The following SRGAP1 variants were observed in gnomAD, a reference collection of about 807,000 sequenced individuals.
SRGAP1 encodes the protein SLIT-ROBO Rho GTPase-activating protein 1.
SRGAP1 carries 43 observed loss-of-function variants against 121.9 expected under a neutral mutation model. The observed-to-expected ratio is 0.35, with a 90% CI of 0.28 to 0.46. SRGAP1 has a LOEUF of 0.46. SRGAP1 is among the 20% of genes least tolerant of loss of function. The pLI is 1.00. For synonymous variants in SRGAP1, 447 were observed against 485.4 expected (o/e 0.92, Z 1.04); for missense variants, 1,102 against 1,350.9 (o/e 0.82, Z 2.89).
At chr12:63,892,805 C>T (rs551071479) in intron 1 of SRGAP1, among the ~76,000 whole-genome samples, 41 of 152,170 alleles carry the variant, frequency 2.7e-4, no homozygotes, top group African/African-American at 6.7e-4. Context: ...TGCCTCAATT[C>T]GGAGTGCGAA....
intron 4 of SRGAP1, among the ~76,000 whole-genome samples, chr12:64,018,731 A>G (rs931211637): frequency 3.3e-5 from 5 of 152,320 alleles, no homozygotes; most frequent in Non-Finnish European, 5.9e-5. Flanking sequence ...GCCTCAGGTT[A>G]AGAGATTATA....
chr12:63,987,581 G>T (rs1464517495), intron 2 of SRGAP1, among the ~76,000 whole-genome samples: 1 of 152,142 alleles, frequency 6.6e-6, no homozygotes, highest in African/African-American at 2.4e-5. Flanking sequence ...AATTAGCCGG[G>T]CATGGTGGCA....
intron 7 of SRGAP1, among the ~76,000 whole-genome samples, chr12:64,063,657 C>CAA (rs35938870): frequency 8.6e-5 from 13 of 150,902 alleles, no homozygotes; most frequent in South Asian, 2.1e-4. Context: ...GTTATTTTAC[C>CAA]AAAAAAAATG....
intron 15 of SRGAP1, 161 bp downstream of exon 15, chr12:64,097,536 T>C (rs2036182705): frequency 6.6e-6 from 5 of 760,436 alleles, no homozygotes; most frequent in Non-Finnish European, 9.9e-6. Context: ...GTGCGAGTCA[T>C]CCTCCCAGCT....
chr12:63,908,867 T>G (rs919350308), intron 1 of SRGAP1, among the ~76,000 whole-genome samples: 1 of 152,194 alleles, frequency 6.6e-6, no homozygotes, highest in Non-Finnish European at 1.5e-5. Flanking sequence ...TCAACTTCCC[T>G]TTTTGACTGC....
In SRGAP1 at chr12:63,976,924, C is replaced by T. The variant is rs115262196; in HGVS notation, c.68-7023C>T. ...TTGGTAAATTGAATTAAGTAGCGTA[C>T]ATCCTGACGCTTCCTAATTTATGTG... On this transcript the variant is annotated intron_variant, in intron 1 of 21. Coordinates refer to ENST00000355086, the MANE Select transcript of SRGAP1 (RefSeq NM_020762.4). Among the ~76,000 whole-genome samples, 802 of 152,142 alleles carry T rather than the reference C, an allele frequency of 5.3e-3. 5 individuals are homozygous for T. Among genetic ancestry groups the T allele is most frequent in the African/African-American group, 0.018 (734 of 41,526 alleles).
In SRGAP1 at chr12:63,891,712, C is replaced by T. The variant is rs191287799; in HGVS notation, c.67+46829C>T. Among the ~76,000 whole-genome samples, 60 of 152,272 alleles carry T rather than the reference C, an allele frequency of 3.9e-4. 1 individual carries two copies. The East Asian group carries it at 0.01, about 26-fold the overall frequency. On this transcript the variant is annotated intron_variant, in intron 1 of 21. Transcript: ENST00000355086. ...CCTTGAAAAAAATTATGCAGCCAGG[C>T]ATGGTGGTTCACACCTGTAATCCCA...
chr12:63,872,665 ATATCTT>A (rs1282046948), intron 1 of SRGAP1, among the ~76,000 whole-genome samples: 1 of 152,230 alleles, frequency 6.6e-6, no homozygotes, highest in African/African-American at 2.4e-5. Context: ...CAGCTATTGA[ATATCTT>A]TATAGATTTA....
intron 6 of SRGAP1, among the ~76,000 whole-genome samples, chr12:64,044,935 C>A (rs1237333006): frequency 1.3e-5 from 2 of 152,026 alleles, no homozygotes. Context: ...CTGCCTCAGC[C>A]TCCAGAAGAG....
At chr12:63,923,163 T>C (rs2031130151) in intron 1 of SRGAP1, among the ~76,000 whole-genome samples, 1 of 152,210 alleles carries the variant, frequency 6.6e-6, no homozygotes. Context: ...ACTAATATTT[T>C]GTAATACCCT....
chr12:64,079,409 A>G (rs1192594065), intron 9 of SRGAP1, among the ~76,000 whole-genome samples: 2 of 151,638 alleles, frequency 1.3e-5, no homozygotes, highest in Non-Finnish European at 2.9e-5. Flanking sequence ...TGGGAGGATC[A>G]TTTGAGCCCA....
At chr12:64,020,858 A>G (rs538733535) in intron 4 of SRGAP1, among the ~76,000 whole-genome samples, 9 of 151,648 alleles carry the variant, frequency 5.9e-5, no homozygotes, top group East Asian at 1.9e-4. Context: ...AAAAAAAAAA[A>G]AAAAGAAAAG....
In SRGAP1 at chr12:63,886,874, A is replaced by AT. The variant is rs201558734; in HGVS notation, c.67+41996dup. On this transcript the variant is annotated intron_variant, in intron 1 of 21. Coordinates refer to ENST00000355086, the MANE Select transcript of SRGAP1 (RefSeq NM_020762.4). The stretch of plus-strand genomic sequence containing the variant: ...AAGACCCCCTCCAGAGGATTTAAGG[A>AT]TTTTTGTTTTTGTTTTTGAGATGGA... Among the ~76,000 whole-genome samples, 916 of 151,920 alleles carry AT rather than the reference A, an allele frequency of 6.0e-3. 7 individuals carry two copies. The highest frequency in any genetic ancestry group is 0.02 in the African/African-American group (830 of 41,490).
chr12:64,009,484 A>G (rs1021886623), intron 3 of SRGAP1, among the ~76,000 whole-genome samples: 1 of 152,166 alleles, frequency 6.6e-6, no homozygotes, highest in African/African-American at 2.4e-5. Context: ...TACTGTTTAT[A>G]TGTGGTAGAT....
intron 1 of SRGAP1, among the ~76,000 whole-genome samples, chr12:63,925,010 G>A (rs2031204180): frequency 6.6e-6 from 1 of 151,974 alleles, no homozygotes; most frequent in African/African-American, 2.4e-5. Flanking sequence ...CTCAAGTGGT[G>A]TCATTTTGGC....
At chr12:64,029,198 A>T (rs1029156837) in intron 4 of SRGAP1, among the ~76,000 whole-genome samples, 2 of 152,138 alleles carry the variant, frequency 1.3e-5, no homozygotes, top group African/African-American at 4.8e-5. Flanking sequence ...TATGACTTTA[A>T]GGTCTTAGAA....
At chr12:64,110,206 G>A (rs1390323345) in intron 16 of SRGAP1, among the ~76,000 whole-genome samples, 1 of 152,176 alleles carries the variant, frequency 6.6e-6, no homozygotes, top group African/African-American at 2.4e-5. Flanking sequence ...CCAGGATGGA[G>A]TACCTTGCAT....
intron 3 of SRGAP1, among the ~76,000 whole-genome samples, chr12:64,012,799 C>T (rs1350683859): frequency 6.6e-6 from 1 of 152,016 alleles, no homozygotes; most frequent in Non-Finnish European, 1.5e-5. Context: ...AACCTGCCCA[C>T]CTCGGCCTCC....
chr12:64,132,103 A>G (rs2036794101), intron 21 of SRGAP1, among the ~76,000 whole-genome samples: 2 of 152,186 alleles, frequency 1.3e-5, no homozygotes, highest in Non-Finnish European at 1.5e-5. Context: ...TGAACCAGAG[A>G]GGTGACGTTG....
Sources: allele counts gnomAD v4.1 joint callset (sites outside exome capture counted in the v4.1 genomes callset), GRCh38; gene constraint gnomAD v4.1.1; transcripts MANE v1.5; gene names NCBI Gene and HGNC (gene_info 2026-07-23, HGNC 2026-07-21).